Variants in PCLO observed in about 807,000 individuals in gnomAD.
PCLO encodes protein piccolo.
A neutral mutation model predicts 427.5 loss-of-function variants in PCLO; 82 were observed. The ratio of observed to expected loss-of-function variants is 0.19; its 90% CI spans 0.16 to 0.23. The LOEUF (loss-of-function observed/expected upper bound fraction) is 0.23, where lower values mean the gene tolerates loss of function less well. PCLO is among the 10% of genes least tolerant of loss of function. The probability of loss-of-function intolerance (pLI) is 1.00; values close to 1 mark genes in which losing one functional copy is unlikely to be tolerated. For synonymous variants in PCLO, 2,357 were observed against 2,155.4 expected, an observed-to-expected ratio of 1.09 and a Z score of -2.59; for missense variants, 6,239 against 6,115.9, an observed-to-expected ratio of 1.02 and a Z score of -0.67.
intron 3 of PCLO, among the ~76,000 whole-genome samples, chr7:83,103,168 A>G (rs1346002942): frequency 6.6e-6 from 1 of 151,896 alleles, no homozygotes; most frequent in African/African-American, 2.4e-5. Flanking sequence ...TTTTTTTGCC[A>G]TTGTTAAAAA....
At chr7:82,842,073 TAATAGCCA>T (rs1198927491) in intron 13 of PCLO, among the ~76,000 whole-genome samples, 1 of 152,016 alleles carries the variant, frequency 6.6e-6, no homozygotes, top group Non-Finnish European at 1.5e-5. Context: ...CAAAAGACCC[TAATAGCCA>T]AAGCAATTTT....
rs1583939136 is a variant in PCLO at position 82,756,453 on chromosome 7, G to C, written c.*2122C>G. On this transcript the variant is annotated 3_prime_UTR_variant, in exon 25 of 25. Coordinates refer to ENST00000333891, the MANE Select transcript of PCLO (RefSeq NM_033026.6). Reference sequence around the variant, plus strand: ...AATGGTAAATGACATTGTATTGTCAGTGGAGGGGGATTAAAAAATAGAGGG... The same window carrying C: ...AATGGTAAATGACATTGTATTGTCACTGGAGGGGGATTAAAAAATAGAGGG... The C allele has an allele frequency of 6.6e-6, 1 of 152,028 alleles. No individual in the cohort carries two copies. Among genetic ancestry groups the C allele is most frequent in the African/African-American group, 2.4e-5 (1 of 41,390 alleles). 9.4% of individuals were successfully genotyped at this position (152,028 alleles called of 1,614,324 possible). A position where few individuals can be genotyped will look rare whatever the true frequency, so the allele number is the denominator to read the frequency against.
chr7:83,116,053 T>G lies in PCLO; in HGVS notation c.3300+18197A>C, dbSNP rs535971680. Reference sequence around the variant, plus strand: ...TTAAAGAAAAACATATTATTTCAATTAAATGGATGTCTAGTATTACCATTT... The same window carrying G: ...TTAAAGAAAAACATATTATTTCAATGAAATGGATGTCTAGTATTACCATTT... On this transcript the variant is annotated intron_variant, in intron 3 of 24. Coordinates refer to ENST00000333891, the MANE Select transcript of PCLO (RefSeq NM_033026.6). Among the ~76,000 whole-genome samples, 30 of 152,162 alleles carry G rather than the reference T, an allele frequency of 2.0e-4. 1 individual carries two copies. The Middle Eastern group carries it at 0.01, about 52-fold the overall frequency.
At chr7:83,137,419 TATTC>T (rs893560299) in intron 2 of PCLO, among the ~76,000 whole-genome samples, 5 of 152,166 alleles carry the variant, frequency 3.3e-5, no homozygotes, top group African/African-American at 1.2e-4. Flanking sequence ...GGTACATGGA[TATTC>T]ATTCATTCAT....
chr7:83,046,085 G>C (rs961848932), intron 3 of PCLO, among the ~76,000 whole-genome samples: 1 of 151,886 alleles, frequency 6.6e-6, no homozygotes, highest in African/African-American at 2.4e-5. Context: ...TGTGATGTTT[G>C]TACCCTAATC....
intron 3 of PCLO, among the ~76,000 whole-genome samples, chr7:83,093,488 A>ATTTTTTTTTTTTTTTTTT: frequency 1.4e-5 from 1 of 69,362 alleles, no homozygotes; most frequent in Admixed American, 1.9e-4. Flanking sequence ...ATATATATAT[A>ATTTTTTTTTTTTTTTTTT]TATATTTTTT....
chr7:82,949,661 A>G lies in PCLO; in HGVS notation c.10927T>C (p.Tyr3643His), dbSNP rs373751042. The G allele has an allele frequency of 2.5e-4, 410 of 1,613,700 alleles. No homozygotes were observed. Among genetic ancestry groups the G allele is most frequent in the Non-Finnish European group, 3.2e-4 (379 of 1,179,854 alleles). Residue 3643 changes from tyrosine (Y) to histidine (H), a missense_variant, in exon 6 of 25, where the codon TAT becomes CAT. Tyr to His is a moderately conservative substitution (Grantham distance 83, BLOSUM62 2). Transcript: ENST00000333891. Reference sequence around the variant, plus strand: ...ATATCATCAGGGAGGGGTTTTTCATAAGGTACAAAGGCTGATTCTAAGGCT... The same window carrying G: ...ATATCATCAGGGAGGGGTTTTTCATGAGGTACAAAGGCTGATTCTAAGGCT... ...GKALESAFVPYEKPLPDDISP... is the reference protein window; with the variant it reads ...GKALESAFVPHEKPLPDDISP...
Position 82,757,865 on chromosome 7 carries a change from G to A in PCLO, c.*710C>T, listed in dbSNP as rs1258509942. 1.3e-5 allele frequency: 2 copies of A among 151,930 alleles called. No homozygotes were observed. Among genetic ancestry groups the A allele is most frequent in the African/African-American group, 4.8e-5 (2 of 41,410 alleles). 9.4% of individuals were successfully genotyped at this position (151,930 alleles called of 1,614,324 possible). A position where few individuals can be genotyped will look rare whatever the true frequency, so the allele number is the denominator to read the frequency against. ...ATAAATTCAATTTTATTTCTACTGA[G>A]TATTATCTTCACTCTACCTTGTTTC... On this transcript the variant is annotated 3_prime_UTR_variant, in exon 25 of 25. Transcript: ENST00000333891.
At chr7:82,903,767 T>C (rs1277856339) in intron 8 of PCLO, among the ~76,000 whole-genome samples, 6 of 151,940 alleles carry the variant, frequency 3.9e-5, no homozygotes, top group Non-Finnish European at 4.4e-5. Context: ...ATATTACCTA[T>C]TTTAGAATAT....
intron 4 of PCLO, among the ~76,000 whole-genome samples, chr7:82,962,845 A>G (rs1795682773): frequency 6.6e-6 from 1 of 152,006 alleles, no homozygotes; most frequent in Non-Finnish European, 1.5e-5. Context: ...CTGATATAGT[A>G]CACTGTATAC....
In PCLO at chr7:83,156,247, T is replaced by A. The variant is rs753397002; in HGVS notation, c.394A>T (p.Thr132Ser). Residue 132 changes from threonine (T) to serine (S), a missense_variant, in exon 2 of 25, where the codon ACT (threonine) becomes TCT (serine). Coordinates refer to ENST00000333891, the MANE Select transcript of PCLO (RefSeq NM_033026.6). ...GACTTTGATTCTTTCAAGCTAATAG[T>A]GGAAGGACTCCTCCCAGGCAATTTC... ...EQKLPGRSPS[T>S]ISLKESKSRT... The A allele has an allele frequency of 1.1e-4, 180 of 1,613,762 alleles. 4 individuals are homozygous for A. Among genetic ancestry groups the A allele is most frequent in the South Asian group, 7.4e-4 (67 of 91,084 alleles).
intron 3 of PCLO, among the ~76,000 whole-genome samples, chr7:82,991,815 T>A (rs1033347888): frequency 1.3e-5 from 2 of 152,144 alleles, no homozygotes; most frequent in African/African-American, 4.8e-5. Context: ...ATATAAAATA[T>A]TCTCAGTACC....
intron 12 of PCLO, among the ~76,000 whole-genome samples, chr7:82,846,353 A>T (rs763753324): frequency 4.6e-5 from 7 of 152,154 alleles, no homozygotes; most frequent in Non-Finnish European, 1.0e-4. Flanking sequence ...ACTAACATGC[A>T]AATATGTATT....
intron 2 of PCLO, among the ~76,000 whole-genome samples, chr7:83,146,644 T>TG (rs1792001287): frequency 6.6e-6 from 1 of 151,046 alleles, no homozygotes; most frequent in South Asian, 2.1e-4. Flanking sequence ...TCACCCAGGG[T>TG]GGAGTGCAGT....
chr7:82,842,026 G>A (rs1326688887), intron 13 of PCLO, among the ~76,000 whole-genome samples: 1 of 151,884 alleles, frequency 6.6e-6, no homozygotes, highest in Non-Finnish European at 1.5e-5. Context: ...AATTTTTATA[G>A]AACTAGTAAA....
rs567568781 is a variant in PCLO at position 83,011,999 on chromosome 7, AATTT to A, written c.3301-45516_3301-45513del. ...GTTTTTATTTTTATTACTTTTTACA[AATTT>A]ATTTATTTATTTAAATTGACAGATG... On this transcript the variant is annotated intron_variant, in intron 3 of 24. Transcript: ENST00000333891. Among the ~76,000 whole-genome samples, 137 of 152,060 alleles carry A rather than the reference AATTT, an allele frequency of 9.0e-4. 1 individual carries two copies. In the South Asian group the frequency reaches 9.3e-3, roughly 10 times the overall value.
intron 7 of PCLO, among the ~76,000 whole-genome samples, chr7:82,911,004 A>G (rs1029027689): frequency 3.3e-5 from 5 of 152,096 alleles, no homozygotes; most frequent in African/African-American, 1.2e-4. Context: ...ATCCTTTATG[A>G]TGTAGTACAA....
intron 3 of PCLO, among the ~76,000 whole-genome samples, chr7:83,114,752 G>A (rs1484071326): frequency 6.6e-6 from 1 of 151,954 alleles, no homozygotes; most frequent in Admixed American, 6.6e-5. Flanking sequence ...TCTTTAAATG[G>A]TATACAATGC....
At chr7:83,125,293 G>A (rs1474589953) in intron 3 of PCLO, among the ~76,000 whole-genome samples, 9 of 151,738 alleles carry the variant, frequency 5.9e-5, no homozygotes, top group Middle Eastern at 3.2e-3. Flanking sequence ...CCCGGCCGCC[G>A]CCCCCTCTGG....
Sources: gnomAD v4.1 joint callset for allele counts (sites outside exome capture counted in the v4.1 genomes callset) on GRCh38, gnomAD v4.1.1 for gene constraint, MANE v1.5 for transcripts, NCBI Gene and HGNC (gene_info 2026-07-23, HGNC 2026-07-21) for gene names.